PRPF39: variants seen among roughly 807,000 people sequenced by gnomAD.
PRPF39 encodes the protein pre-mRNA-processing factor 39.
A neutral mutation model predicts 82.1 loss-of-function variants in PRPF39; 27 were observed. The ratio of observed to expected loss-of-function variants is 0.33; its 90% confidence interval spans 0.24 to 0.45. PRPF39 has a LOEUF of 0.45. PRPF39 is among the 20% of genes least tolerant of loss of function. The probability of loss-of-function intolerance (pLI) is 1.00; values close to 1 mark genes in which losing one functional copy is unlikely to be tolerated. For missense variants in PRPF39, 581 were observed against 796.9 expected, an observed-to-expected ratio of 0.73 and a Z score of 3.26; for synonymous variants, 261 against 256.4, an observed-to-expected ratio of 1.02 and a Z score of -0.17.
At chr14:45,105,558 G>A (rs114233124) in intron 5 of PRPF39, among the ~76,000 whole-genome samples, 2,285 of 136,672 alleles carry the variant, frequency 0.017, 63 homozygotes, top group African/African-American at 0.06. Context: ...GTGAAATCTC[G>A]CTCTGTTGCC....
chr14:45,089,754 A>G (rs963936429), intron 1 of PRPF39, among the ~76,000 whole-genome samples: 11 of 152,172 alleles, frequency 7.2e-5, no homozygotes, highest in South Asian at 2.1e-4. Flanking sequence ...TTCCCATTTT[A>G]TGTTGCTAGT....
At chr14:45,111,933 C>T (rs759100886) in intron 10 of PRPF39, among the ~76,000 whole-genome samples, 7 of 152,106 alleles carry the variant, frequency 4.6e-5, no homozygotes, top group Middle Eastern at 3.4e-3. Context: ...CCACCACGCC[C>T]GGTTAAGATG....
At chr14:45,099,960 A>G (rs961978439) in intron 4 of PRPF39, among the ~76,000 whole-genome samples, 5 of 152,126 alleles carry the variant, frequency 3.3e-5, no homozygotes, top group Non-Finnish European at 5.9e-5. Context: ...TTTTGTTCCT[A>G]TTACAGATTA....
chr14:45,099,467 CAG>C lies in PRPF39; in HGVS notation c.569+2465_569+2466del, dbSNP rs1349540670. On this transcript the variant is annotated intron_variant, in intron 4 of 13. Coordinates refer to ENST00000355765, the MANE Select transcript of PRPF39 (RefSeq NM_017922.4). ...ATTATTATTATTTTTTTTTTTGAGACAGAGTCTCCCTCTCTCCCCCAGGGTGG... is the reference window on the plus strand; with the variant it reads ...ATTATTATTATTTTTTTTTTTGAGACAGTCTCCCTCTCTCCCCCAGGGTGG... Among the ~76,000 whole-genome samples, 19 of 150,972 alleles carry C rather than the reference CAG, an allele frequency of 1.3e-4. 3 individuals carry two copies. Among genetic ancestry groups the C allele is most frequent in the African/African-American group, 3.7e-4 (15 of 41,082 alleles).
Position 45,115,130 on chromosome 14 carries a change from A to T in PRPF39, c.*217A>T. 1 of 348,942 alleles carries T rather than the reference A, an allele frequency of 2.9e-6. No homozygotes were observed. Among genetic ancestry groups the T allele is most frequent in the East Asian group, 4.6e-5 (1 of 21,782 alleles). The allele number at this position is 348,942 out of a possible 1,614,324, so 21.6% of individuals were successfully genotyped here. On this transcript the variant is annotated 3_prime_UTR_variant, in exon 14 of 14. Transcript: ENST00000355765. ...TTTATAAAATTTACTTTTTATTGAA[A>T]AACTATTTTTTGATTTTTGCATTAA...
Position 45,115,226 on chromosome 14 carries a change from T to C in PRPF39, c.*313T>C, listed in dbSNP as rs1884801797. On this transcript the variant is annotated 3_prime_UTR_variant, in exon 14 of 14. Transcript: ENST00000355765. ...GCCTTAAGGGGTAGGAAGAAAAACC[T>C]GACTGCAAATCATGTCAGTGTAGTA... 1 of 178,574 alleles carries C rather than the reference T, an allele frequency of 5.6e-6. No individual in the cohort carries two copies. The highest frequency in any genetic ancestry group is 5.9e-5 in the Admixed American group (1 of 17,038). The allele number at this position is 178,574 out of a possible 1,614,324, so 11.1% of individuals were successfully genotyped here.
intron 3 of PRPF39, 190 bp from the exon 4 acceptor site, chr14:45,096,697 A>C: frequency 6.6e-7 from 1 of 1,521,718 alleles, no homozygotes; most frequent in Non-Finnish European, 8.8e-7. Flanking sequence ...CGCTTTGAAG[A>C]TCAAGACTCT....
At chr14:45,103,446 T>G (rs1025277139) in intron 5 of PRPF39, among the ~76,000 whole-genome samples, 1 of 152,150 alleles carries the variant, frequency 6.6e-6, no homozygotes, top group Non-Finnish European at 1.5e-5. Flanking sequence ...CTTAGTATTT[T>G]CTATTTTTTG....
Position 45,110,882 on chromosome 14 carries a change from G to C in PRPF39, c.1572+65G>C. 7.3e-7 allele frequency: 1 copy of C among 1,376,926 alleles called. No individual in the cohort carries two copies. The highest frequency in any genetic ancestry group is 9.8e-7 in the Non-Finnish European group (1 of 1,017,994). The allele number at this position is 1,376,926 out of a possible 1,614,324, so 85.3% of individuals were successfully genotyped here. A position where few individuals can be genotyped will look rare whatever the true frequency, so the allele number is the denominator to read the frequency against. ...AACCAGTGGTCAGTGTATTTTCACTGTGGCAACTGTGATGAAAGATTTGGT... is the reference window on the plus strand; with the variant it reads ...AACCAGTGGTCAGTGTATTTTCACTCTGGCAACTGTGATGAAAGATTTGGT... On this transcript the variant is annotated intron_variant, in intron 10 of 13. Transcript: ENST00000355765. This position sits in a 1 kb window ranked among gnomAD's most constrained non-coding sequence, Gnocchi z 4.0.
chr14:45,113,702 T>G (rs1049987887), intron 11 of PRPF39, among the ~76,000 whole-genome samples: 1 of 152,228 alleles, frequency 6.6e-6, no homozygotes, highest in Non-Finnish European at 1.5e-5. Context: ...TAGAGGAGGT[T>G]GGGCTTCATT....
chr14:45,103,167 T>G (rs957955304), intron 5 of PRPF39, among the ~76,000 whole-genome samples: 6 of 152,154 alleles, frequency 3.9e-5, no homozygotes, highest in African/African-American at 1.4e-4. Flanking sequence ...GTAAGTAGTA[T>G]CTATTTTCAA....
Position 45,114,634 on chromosome 14 carries a change from A to G in PRPF39, c.1953+20A>G. The stretch of plus-strand genomic sequence containing the variant: ...TATCAAGTGAGTCTGCATAATTATA[A>G]TTCTTTGTTCATAGATGTTATTAGC... On this transcript the variant is annotated intron_variant, in intron 13 of 13. Transcript: ENST00000355765. 6.3e-7 allele frequency: 1 copy of G among 1,591,324 alleles called. No individual in the cohort carries two copies. Among genetic ancestry groups the G allele is most frequent in the Non-Finnish European group, 8.5e-7 (1 of 1,173,624 alleles).
chr14:45,096,615 A>G (rs1884208940), intron 3 of PRPF39: 3 of 1,471,716 alleles, frequency 2.0e-6, no homozygotes, highest in Non-Finnish European at 2.7e-6. Context: ...TTGATGCTCT[A>G]ATGGGTCTGT....
At chr14:45,108,267 G>C in intron 6 of PRPF39, 148 bp from the exon 7 acceptor site, 1 of 889,108 alleles carries the variant, frequency 1.1e-6, no homozygotes, top group Non-Finnish European at 1.5e-6. Flanking sequence ...TTGTTAATTG[G>C]ATTTTGCACA....
Position 45,115,282 on chromosome 14 carries a change from A to G in PRPF39, c.*369A>G, listed in dbSNP as rs971910739. 7.0e-6 allele frequency: 1 copy of G among 143,276 alleles called. No individual in the cohort carries two copies. The highest frequency in any genetic ancestry group is 1.5e-5 in the Non-Finnish European group (1 of 66,436). The allele number at this position is 143,276 out of a possible 1,614,324, so 8.9% of individuals were successfully genotyped here. On this transcript the variant is annotated 3_prime_UTR_variant, in exon 14 of 14. Coordinates refer to ENST00000355765, the MANE Select transcript of PRPF39 (RefSeq NM_017922.4). ...TTCTGAAAACACATAAGGGCTGGTT[A>G]TTTACCTCCTTTTTTTTTTTTTTTT...
chr14:45,092,386 A>T (rs1210240329), intron 1 of PRPF39, among the ~76,000 whole-genome samples: 1 of 152,102 alleles, frequency 6.6e-6, no homozygotes, highest in Admixed American at 6.5e-5. Flanking sequence ...GCGGATCATG[A>T]GGTCAGGAGA....
intron 3 of PRPF39, chr14:45,096,639 T>C: frequency 6.7e-7 from 1 of 1,489,504 alleles, no homozygotes; most frequent in Non-Finnish European, 9.0e-7. Context: ...CTATGGTCTG[T>C]AACCCAAAGC....
chr14:45,108,520 G>A lies in PRPF39; in HGVS notation c.1009G>A (p.Gly337Ser). Reference protein sequence around the residue: ...EVSKRWTFEEGIKRPYFHVKP... With the variant: ...EVSKRWTFEESIKRPYFHVKP... ...TAGTAAAAGGTGGACATTTGAAGAA[G>A]GTGTAAGTGTTTTTGTTTTGTAATA... Residue 337 changes from glycine (G) to serine (S), a missense_variant and splice_region_variant, in exon 7 of 14, where the codon GGT (glycine) becomes AGT (serine). Coordinates refer to ENST00000355765, the MANE Select transcript of PRPF39 (RefSeq NM_017922.4). The A allele has an allele frequency of 6.3e-7, 1 of 1,581,468 alleles. No homozygotes were observed. Among genetic ancestry groups the A allele is most frequent in the African/African-American group, 1.4e-5 (1 of 72,688 alleles).
intron 5 of PRPF39, among the ~76,000 whole-genome samples, chr14:45,106,119 G>A (rs1884524740): frequency 3.3e-5 from 5 of 152,200 alleles, no homozygotes; most frequent in East Asian, 1.9e-4. Context: ...GGAGGCTGAG[G>A]CGGGTGGATC....
Sources: gnomAD v4.1 joint callset for allele counts (sites outside exome capture counted in the v4.1 genomes callset) on GRCh38, gnomAD v4.1.1 for gene constraint, Gnocchi (gnomAD v3.1) non-coding constraint, MANE v1.5 for transcripts, NCBI Gene and HGNC (gene_info 2026-07-23, HGNC 2026-07-21) for gene names.